The following ADGRL2 variants were observed in gnomAD, a reference collection of about 807,000 sequenced individuals.
The protein encoded by ADGRL2 is calcium-independent alpha-latrotoxin receptor 2.
ADGRL2 carries 44 observed loss-of-function variants against 157.4 expected under a neutral mutation model. The ratio of observed to expected loss-of-function variants is 0.28; its 90% confidence interval spans 0.22 to 0.36. The LOEUF is 0.36. Among genes scored for constraint, ADGRL2 ranks in the 10% least tolerant of loss-of-function variants. ADGRL2 has a pLI of 1.00. For synonymous variants in ADGRL2, 585 were observed against 624.7 expected (o/e 0.94, Z 0.95); for missense variants, 1,510 against 1,768.9 (o/e 0.85, Z 2.63).
intron 2 of ADGRL2, among the ~76,000 whole-genome samples, chr1:81,495,386 A>G (rs920529662): frequency 1.3e-5 from 2 of 152,226 alleles, no homozygotes; most frequent in African/African-American, 4.8e-5. Context: ...AATGATGATT[A>G]TTACAAGTAA....
chr1:81,332,351 A>T (rs1027156249), intron 1 of ADGRL2, among the ~76,000 whole-genome samples: 1 of 152,126 alleles, frequency 6.6e-6, no homozygotes, highest in Non-Finnish European at 1.5e-5. Flanking sequence ...TTATTAGTAT[A>T]TTTGATCAGT....
At chr1:81,578,650 A>C (rs1387547358) in intron 2 of ADGRL2, among the ~76,000 whole-genome samples, 1 of 152,174 alleles carries the variant, frequency 6.6e-6, no homozygotes, top group Non-Finnish European at 1.5e-5. Context: ...TTCTAAAATA[A>C]TAAGAATGAT....
intron 2 of ADGRL2, among the ~76,000 whole-genome samples, chr1:81,473,856 G>A (rs973723407): frequency 3.9e-5 from 6 of 152,148 alleles, no homozygotes; most frequent in African/African-American, 1.4e-4. Context: ...GAGCTGAAGA[G>A]GAGACTGACA....
At chr1:81,786,443 G>A (rs891248300) in intron 2 of ADGRL2, among the ~76,000 whole-genome samples, 1 of 152,082 alleles carries the variant, frequency 6.6e-6, no homozygotes, top group African/African-American at 2.4e-5. Context: ...CTGAGTTGTG[G>A]TGCACACCTA....
chr1:81,946,581 GT>G, intron 6 of ADGRL2, among the ~76,000 whole-genome samples: 1 of 152,094 alleles, frequency 6.6e-6, no homozygotes, highest in Admixed American at 6.5e-5. Flanking sequence ...AAAATGATGT[GT>G]TTTTACTTGG....
At chr1:81,913,917 G>A (rs1424473294) in intron 3 of ADGRL2, among the ~76,000 whole-genome samples, 1 of 151,860 alleles carries the variant, frequency 6.6e-6, no homozygotes, top group African/African-American at 2.4e-5. Flanking sequence ...CTTTTAACAT[G>A]TCTATTATTT....
chr1:81,392,497 GA>G (rs569015044), intron 1 of ADGRL2, among the ~76,000 whole-genome samples: 70 of 151,230 alleles, frequency 4.6e-4, no homozygotes, highest in East Asian at 2.7e-3. Context: ...CCCCAAGGAA[GA>G]AAAAAAAATT....
At chr1:81,759,619 T>C (rs576681111) in intron 1 of ADGRL2, among the ~76,000 whole-genome samples, 15 of 152,268 alleles carry the variant, frequency 9.9e-5, no homozygotes, top group African/African-American at 3.6e-4. Context: ...TGTCCAACAA[T>C]GTAGATGTTT....
At chr1:81,835,839 A>T (rs1056642082) in intron 1 of ADGRL2, among the ~76,000 whole-genome samples, 26 of 152,046 alleles carry the variant, frequency 1.7e-4, no homozygotes, top group African/African-American at 6.3e-4. Flanking sequence ...TTCTTACATT[A>T]TTTTTGTTGT....
At chr1:81,520,064 T>A (rs1469969516) in intron 2 of ADGRL2, among the ~76,000 whole-genome samples, 1 of 152,184 alleles carries the variant, frequency 6.6e-6, no homozygotes, top group Non-Finnish European at 1.5e-5. Context: ...TGAGAGTAGA[T>A]GATGCTGGAG....
intron 1 of ADGRL2, among the ~76,000 whole-genome samples, chr1:81,708,753 G>A (rs1380993280): frequency 6.6e-6 from 1 of 151,694 alleles, no homozygotes; most frequent in Admixed American, 6.6e-5. Flanking sequence ...AGAAATCTCT[G>A]TTATGTGATC....
At chr1:81,502,686 T>A in intron 2 of ADGRL2, 1 of 1,613,272 alleles carries the variant, frequency 6.2e-7, no homozygotes, top group Non-Finnish European at 8.5e-7. Context: ...AGTATCTGTA[T>A]GCCTATGAGT....
intron 2 of ADGRL2, among the ~76,000 whole-genome samples, chr1:81,529,698 T>C (rs150901859): frequency 6.6e-6 from 1 of 152,346 alleles, no homozygotes; most frequent in Non-Finnish European, 1.5e-5. Context: ...AGGCTGACTG[T>C]ACTATAATTT....
intron 3 of ADGRL2, among the ~76,000 whole-genome samples, chr1:81,661,504 C>G (rs948320720): frequency 1.3e-5 from 2 of 152,156 alleles, no homozygotes; most frequent in Non-Finnish European, 2.9e-5. Flanking sequence ...ATAGAAGATA[C>G]AGTGGAACAA....
At chr1:81,487,827 C>T (rs1303401674) in intron 2 of ADGRL2, among the ~76,000 whole-genome samples, 2 of 152,020 alleles carry the variant, frequency 1.3e-5, no homozygotes, top group Non-Finnish European at 2.9e-5. Flanking sequence ...AGGAGATGTA[C>T]AAATATATAC....
At chr1:81,894,744 C>T (rs556409662) in intron 2 of ADGRL2, among the ~76,000 whole-genome samples, 37 of 151,150 alleles carry the variant, frequency 2.4e-4, no homozygotes, top group Admixed American at 1.5e-3. Context: ...CTCTAGAAAC[C>T]TGTTGGAAAA....
chr1:81,544,157 C>T (rs2079957685), intron 2 of ADGRL2, among the ~76,000 whole-genome samples: 1 of 152,020 alleles, frequency 6.6e-6, no homozygotes, highest in African/African-American at 2.4e-5. Flanking sequence ...GACCATGCTA[C>T]AAAAATAAGT....
At chr1:81,435,582 T>C (rs1020466468) in intron 1 of ADGRL2, among the ~76,000 whole-genome samples, 2 of 152,204 alleles carry the variant, frequency 1.3e-5, no homozygotes, top group Non-Finnish European at 2.9e-5. Flanking sequence ...AATATAACAA[T>C]CCATTTCTTC....
intron 2 of ADGRL2, among the ~76,000 whole-genome samples, chr1:81,503,994 G>A (rs2078912959): frequency 6.6e-6 from 1 of 152,134 alleles, no homozygotes; most frequent in Admixed American, 6.5e-5. Flanking sequence ...TTTGCCTACT[G>A]TTAGGTTCCT....
Sources: allele counts gnomAD v4.1 joint callset (sites outside exome capture counted in the v4.1 genomes callset), GRCh38; gene constraint gnomAD v4.1.1; transcripts MANE v1.5; gene names NCBI Gene and HGNC (gene_info 2026-07-23, HGNC 2026-07-21).